SLC5A11: variants seen among roughly 807,000 people sequenced by gnomAD.
The protein encoded by SLC5A11 is sodium/myo-inositol cotransporter 2.
In SLC5A11, 48 loss-of-function variants were observed where a neutral mutation model predicts 69.8. That is an observed-to-expected ratio of 0.69 (90% CI 0.55 to 0.87). SLC5A11 has a LOEUF of 0.87. Ranked by LOEUF, SLC5A11 falls within the 40% of genes least tolerant of loss-of-function variation. SLC5A11 has a pLI of 0.00. For missense variants in SLC5A11, 784 were observed against 866.1 expected, an observed-to-expected ratio of 0.91 and a Z score of 1.19; for synonymous variants, 319 against 342.4, an observed-to-expected ratio of 0.93 and a Z score of 0.75.
At chr16:24,875,663 G>A (rs373857227) in exon 6 of SLC5A11, 29 of 1,613,734 alleles carry the variant, frequency 1.8e-5, no homozygotes, top group African/African-American at 4.0e-5. Context: ...GAAGCGCTTC[G>A]GTGGCATCAG....
chr16:24,877,034 G>T, intron 6 of SLC5A11: 2 of 1,347,730 alleles, frequency 1.5e-6, no homozygotes, highest in Non-Finnish European at 1.9e-6. Flanking sequence ...AAAAGCAGAA[G>T]CAGGAAGACC....
chr16:24,855,591 A>G (rs1005648152), intron 1 of SLC5A11, among the ~76,000 whole-genome samples: 1 of 151,638 alleles, frequency 6.6e-6, no homozygotes, highest in African/African-American at 2.4e-5. Context: ...ACAGAGCAAA[A>G]CTCTTGTCTC....
intron 15 of SLC5A11, among the ~76,000 whole-genome samples, chr16:24,910,834 C>A (rs2050462552): frequency 6.6e-6 from 1 of 152,034 alleles, no homozygotes; most frequent in African/African-American, 2.4e-5. Flanking sequence ...TTGGCTTAGC[C>A]CACCTACAGT....
intron 8 of SLC5A11, among the ~76,000 whole-genome samples, chr16:24,885,008 C>T (rs1335735789): frequency 2.0e-5 from 3 of 152,178 alleles, no homozygotes; most frequent in East Asian, 1.9e-4. Context: ...TCCCAAAGTG[C>T]TGAAATTACA....
At chr16:24,862,453 C>T in intron 2 of SLC5A11, 148 bp from the exon 4 acceptor site, 1 of 544,760 alleles carries the variant, frequency 1.8e-6, no homozygotes, top group Admixed American at 3.1e-5. Flanking sequence ...AAATTTTATC[C>T]AAAACTCTGG....
intron 14 of SLC5A11, 70 bp downstream of exon 15, chr16:24,909,166 G>A: frequency 6.6e-7 from 1 of 1,516,514 alleles, no homozygotes; most frequent in East Asian, 2.3e-5. Context: ...GACTCAAACT[G>A]ACTTAAGCGA....
intron 1 of SLC5A11, among the ~76,000 whole-genome samples, chr16:24,847,744 G>A (rs958813765): frequency 1.6e-4 from 24 of 152,230 alleles, no homozygotes; most frequent in Non-Finnish European, 3.4e-4. Context: ...CCTGCAGATA[G>A]GACTTGGAAA....
At chr16:24,899,185 T>C (rs1234324167) in intron 10 of SLC5A11, among the ~76,000 whole-genome samples, 2 of 152,150 alleles carry the variant, frequency 1.3e-5, no homozygotes, top group Non-Finnish European at 2.9e-5. Flanking sequence ...CTATGCTGTT[T>C]CTCAACATTG....
At chr16:24,904,550 C>G (rs993870483) in intron 10 of SLC5A11, among the ~76,000 whole-genome samples, 7 of 151,966 alleles carry the variant, frequency 4.6e-5, no homozygotes, top group African/African-American at 2.4e-5. Context: ...ATTTTTTTAA[C>G]AAGTCCACTA....
At chr16:24,907,823 C>A in intron 12 of SLC5A11, 140 bp from the exon 14 acceptor site, 1 of 1,029,042 alleles carries the variant, frequency 9.7e-7, no homozygotes. Flanking sequence ...GAGTTGGAGG[C>A]TGCAGTGAGC....
rs188868409 is a variant in SLC5A11, at chr16:24,870,079, G to C, written c.312+74G>C. The C allele has an allele frequency of 4.0e-4, 427 of 1,064,298 alleles. 2 individuals carry two copies. The African/African-American group carries it at 6.0e-3, about 15-fold the overall frequency. 65.9% of individuals were successfully genotyped at this position (1,064,298 alleles called of 1,614,324 possible). A position where few individuals can be genotyped will look rare whatever the true frequency, so the allele number is the denominator to read the frequency against. ...GGTAGATCTCAGGGGAAAGTTGTGTGAATGCCCTGCACTTTAAAAATAGAA... is the reference window on the plus strand; with the variant it reads ...GGTAGATCTCAGGGGAAAGTTGTGTCAATGCCCTGCACTTTAAAAATAGAA... On this transcript the variant is annotated intron_variant, in intron 4 of 15. Coordinates refer to ENST00000347898, the Ensembl canonical transcript of SLC5A11.
chr16:24,854,858 C>T (rs1270726487), intron 1 of SLC5A11, among the ~76,000 whole-genome samples: 2 of 152,188 alleles, frequency 1.3e-5, no homozygotes, highest in African/African-American at 2.4e-5. Flanking sequence ...TGCTTGGAAC[C>T]TCCCTTAAGA....
intron 5 of SLC5A11, among the ~76,000 whole-genome samples, chr16:24,873,658 G>A (rs541715382): frequency 6.6e-5 from 10 of 151,178 alleles, no homozygotes; most frequent in South Asian, 4.2e-4. Context: ...GCGAGACCCC[G>A]TCTCTAAAAA....
At chr16:24,867,727 G>T (rs1215466078) in intron 3 of SLC5A11, among the ~76,000 whole-genome samples, 1 of 152,122 alleles carries the variant, frequency 6.6e-6, no homozygotes, top group Non-Finnish European at 1.5e-5. Context: ...ATAAGGAAAT[G>T]CTGTGAGCAA....
At chr16:24,909,360 TG>T (rs1285082399) in intron 14 of SLC5A11, among the ~76,000 whole-genome samples, 3 of 152,016 alleles carry the variant, frequency 2.0e-5, no homozygotes, top group Non-Finnish European at 2.9e-5. Context: ...AACATAAGGC[TG>T]GGGTGCGGTG....
At chr16:24,893,646 C>T (rs1282180416) in intron 9 of SLC5A11, among the ~76,000 whole-genome samples, 1 of 152,136 alleles carries the variant, frequency 6.6e-6, no homozygotes, top group Non-Finnish European at 1.5e-5. Flanking sequence ...TCTCGGCTCA[C>T]TGCAACCTCT....
At chr16:24,874,578 A>G (rs767011514) in intron 5 of SLC5A11, among the ~76,000 whole-genome samples, 1 of 152,054 alleles carries the variant, frequency 6.6e-6, no homozygotes, top group Non-Finnish European at 1.5e-5. Context: ...AATTTTTTTG[A>G]GACAGAGTCT....
At chr16:24,907,248 T>TTG in intron 12 of SLC5A11, 73 bp downstream of exon 13, 12 of 1,560,406 alleles carry the variant, frequency 7.7e-6, no homozygotes, top group Non-Finnish European at 1.0e-5. Context: ...AAGTCCAGGT[T>TTG]CAGCCAGCAA....
At chr16:24,901,227 A>G (rs1468345462) in intron 10 of SLC5A11, among the ~76,000 whole-genome samples, 1 of 152,202 alleles carries the variant, frequency 6.6e-6, no homozygotes, top group Non-Finnish European at 1.5e-5. Context: ...ATTATTTTAT[A>G]CATGTATTAC....
Sources: allele counts gnomAD v4.1 joint callset (sites outside exome capture counted in the v4.1 genomes callset), GRCh38; gene constraint gnomAD v4.1.1; transcripts MANE v1.5; gene names NCBI Gene and HGNC (gene_info 2026-07-23, HGNC 2026-07-21).